MARK1: variants seen among roughly 807,000 people sequenced by gnomAD.
MARK1 encodes the protein microtubule affinity regulating kinase 1, also known as serine/threonine-protein kinase MARK1.
In MARK1, 40 loss-of-function variants were observed where a neutral mutation model predicts 96.3. That is an observed-to-expected ratio of 0.42 (90% confidence interval 0.32 to 0.54). The LOEUF is 0.54. Among genes scored for constraint, MARK1 ranks in the 20% least tolerant of loss-of-function variants. MARK1 has a pLI of 0.16. For missense variants in MARK1, 719 were observed against 984.6 expected (o/e 0.73, Z 3.61); for synonymous variants, 317 against 341.2 (o/e 0.93, Z 0.78).
At chr1:220,534,137 T>A (rs1478022756) in intron 1 of MARK1, among the ~76,000 whole-genome samples, 1 of 152,106 alleles carries the variant, frequency 6.6e-6, no homozygotes, top group Non-Finnish European at 1.5e-5. Context: ...ATTTTATTTT[T>A]TTATTTTTTC....
intron 9 of MARK1, among the ~76,000 whole-genome samples, chr1:220,629,534 C>T (rs1407742903): frequency 2.0e-5 from 3 of 152,016 alleles, no homozygotes; most frequent in African/African-American, 7.3e-5. Flanking sequence ...ATCCCCATTT[C>T]TCCCTCATCA....
At chr1:220,603,106 C>T (rs888101181) in intron 5 of MARK1, among the ~76,000 whole-genome samples, 2 of 151,926 alleles carry the variant, frequency 1.3e-5, no homozygotes, top group Admixed American at 1.3e-4. Context: ...GTTTTTACCA[C>T]TTTGCTATAC....
intron 6 of MARK1, among the ~76,000 whole-genome samples, chr1:220,605,681 C>A (rs1186559007): frequency 2.7e-5 from 4 of 147,098 alleles, no homozygotes; most frequent in Non-Finnish European, 4.5e-5. Flanking sequence ...CACCCCACGA[C>A]AGGCCCCAGT....
At chr1:220,650,488 T>A (rs1395820321) in intron 13 of MARK1, 132 bp from the exon 14 acceptor site, 2 of 602,952 alleles carry the variant, frequency 3.3e-6, no homozygotes, top group Non-Finnish European at 5.9e-6. Flanking sequence ...AGGCAGGGGA[T>A]AATCTTGTTA....
intron 9 of MARK1, among the ~76,000 whole-genome samples, chr1:220,625,028 C>G (rs1667248815): frequency 6.6e-6 from 1 of 152,200 alleles, no homozygotes. Flanking sequence ...ATAACAACTT[C>G]GTAAGGTGTC....
At chr1:220,602,343 T>C (rs1002794624) in intron 5 of MARK1, among the ~76,000 whole-genome samples, 21 of 152,218 alleles carry the variant, frequency 1.4e-4, no homozygotes, top group African/African-American at 5.1e-4. Flanking sequence ...AAACAACATT[T>C]ATAAAATGCT....
intron 1 of MARK1, among the ~76,000 whole-genome samples, chr1:220,559,714 A>C (rs1422643902): frequency 6.6e-6 from 1 of 152,198 alleles, no homozygotes; most frequent in Admixed American, 6.5e-5. Flanking sequence ...ATAGGCAGAG[A>C]ATATGGAGGC....
At chr1:220,626,701 A>C (rs544667904) in intron 9 of MARK1, 1 of 339,942 alleles carries the variant, frequency 2.9e-6, no homozygotes, top group Non-Finnish European at 5.7e-6. Context: ...GCACTTCTGT[A>C]ATCCCAGCTA....
chr1:220,626,968 T>C (rs1448247228), intron 9 of MARK1: 4 of 514,346 alleles, frequency 7.8e-6, no homozygotes, highest in South Asian at 6.3e-5. Context: ...TGGCCCTGGA[T>C]ACAGAGATCC....
At chr1:220,536,686 G>A (rs140727212) in intron 1 of MARK1, among the ~76,000 whole-genome samples, 9 of 152,094 alleles carry the variant, frequency 5.9e-5, no homozygotes, top group Non-Finnish European at 1.0e-4. Flanking sequence ...CTCCCAAGTA[G>A]CTGAGATTAT....
Position 220,657,145 on chromosome 1 carries a change from T to A in MARK1, c.1989-645T>A, listed in dbSNP as rs142477436. On this transcript the variant is annotated intron_variant, in intron 16 of 17. Coordinates refer to ENST00000366917, the MANE Select transcript of MARK1 (RefSeq NM_018650.5). ...TTTTGGTAGACTTCAAAAATATTAA[T>A]TACATGCAACACAGAACAATTAGTA... Among the ~76,000 whole-genome samples the A allele has an allele frequency of 2.6e-5, 4 of 152,304 alleles. No individual in the cohort carries two copies. The East Asian group carries it at 7.7e-4, about 29-fold the overall frequency.
At chr1:220,568,577 C>T (rs999436196) in intron 1 of MARK1, among the ~76,000 whole-genome samples, 4 of 152,078 alleles carry the variant, frequency 2.6e-5, no homozygotes, top group African/African-American at 9.7e-5. Flanking sequence ...GGATCTGTTG[C>T]AGGATATTTA....
rs1272486011 is a variant in MARK1 at position 220,661,864 on chromosome 1, A to G, written c.2086A>G (p.Lys696Glu). 1 of 1,614,120 alleles carries G rather than the reference A, an allele frequency of 6.2e-7. No homozygotes were observed. Among genetic ancestry groups the G allele is most frequent in the Non-Finnish European group, 8.5e-7 (1 of 1,180,004 alleles). Reference protein sequence around the residue: ...ERDKEEGKDSKPRSLRFTWSM... With the variant: ...ERDKEEGKDSEPRSLRFTWSM... The stretch of plus-strand genomic sequence containing the variant: ...AGACAAGGAAGAGGGTAAAGATTCT[A>G]AGCCGCGTTCTTTGCGGTTCACATG... The change falls in exon 18 of 18, where the codon AAG (lysine) becomes GAG (glutamate). Residue 696 changes from lysine (K) to glutamate (E), a missense_variant. Lys to Glu is a moderately conservative substitution (Grantham distance 56, BLOSUM62 1). This residue lies in a region of MARK1 where 501 missense variants were observed against 588.3 expected (regional missense o/e 0.85). Transcript: ENST00000366917.
At chr1:220,657,298 G>C (rs1669229046) in intron 16 of MARK1, among the ~76,000 whole-genome samples, 1 of 152,144 alleles carries the variant, frequency 6.6e-6, no homozygotes, top group Admixed American at 6.5e-5. Flanking sequence ...ATTTTATCAT[G>C]TGCATGAATT....
At position 220,604,056 on chromosome 1, in the gene MARK1, T is replaced by G; in HGVS notation, c.425-11T>G. The G allele has an allele frequency of 6.3e-7, 1 of 1,588,978 alleles. No individual in the cohort carries two copies. The highest frequency in any genetic ancestry group is 2.2e-5 in the East Asian group (1 of 44,480). On this transcript the variant is annotated splice_polypyrimidine_tract_variant and intron_variant, in intron 5 of 17. Coordinates refer to ENST00000366917, the MANE Select transcript of MARK1 (RefSeq NM_018650.5). ...GTATATTTTACTACCTGCTTTACCT[T>G]TCTGATTCAGGTGAAGTATTTGATT... is the stretch of plus-strand genomic sequence containing the variant.
intron 5 of MARK1, among the ~76,000 whole-genome samples, chr1:220,603,010 C>A (rs1380597129): frequency 6.6e-6 from 1 of 151,964 alleles, no homozygotes; most frequent in African/African-American, 2.4e-5. Flanking sequence ...GTTAAGAAAT[C>A]TTCCTAATAA....
chr1:220,598,995 A>G (rs531819048), intron 4 of MARK1, among the ~76,000 whole-genome samples: 2 of 152,184 alleles, frequency 1.3e-5, no homozygotes, highest in South Asian at 4.2e-4. Flanking sequence ...AAGTCTCTAA[A>G]TAGATATTGC....
chr1:220,538,409 A>G (rs1293422473), intron 1 of MARK1, among the ~76,000 whole-genome samples: 2 of 150,396 alleles, frequency 1.3e-5, no homozygotes, highest in African/African-American at 4.8e-5. Flanking sequence ...ATTATTTCTG[A>G]GGGCTCTGTT....
At chr1:220,617,594 T>C (rs796882228) in intron 7 of MARK1, among the ~76,000 whole-genome samples, 1 of 152,328 alleles carries the variant, frequency 6.6e-6, no homozygotes, top group South Asian at 2.1e-4. Context: ...ACATGTAAAA[T>C]ATTGTCTTTG....
Sources: allele counts gnomAD v4.1 joint callset (sites outside exome capture counted in the v4.1 genomes callset), GRCh38; gene constraint gnomAD v4.1.1; regional missense constraint gnomAD v4.1.1; transcripts MANE v1.5; gene names NCBI Gene and HGNC (gene_info 2026-07-23, HGNC 2026-07-21).